The following CNTD1 variants were observed in gnomAD, a reference collection of about 807,000 sequenced individuals.
CNTD1 encodes the protein cyclin N-terminal domain containing 1.
CNTD1 carries 17 observed loss-of-function variants against 36.3 expected under a neutral mutation model. The observed-to-expected ratio is 0.47, with a 90% CI of 0.32 to 0.70. The LOEUF (loss-of-function observed/expected upper bound fraction) is 0.70, where lower values mean the gene tolerates loss of function less well. CNTD1 is among the 30% of genes least tolerant of loss of function. CNTD1 has a pLI of 0.03. For missense variants in CNTD1, 338 were observed against 386.1 expected, an observed-to-expected ratio of 0.88 and a Z score of 1.04; for synonymous variants, 128 against 153.3, an observed-to-expected ratio of 0.83 and a Z score of 1.22.
chr17:42,799,188 A>AGGG lies in CNTD1; in HGVS notation c.122_124dup (p.Arg41_Glu42insGly). The AGGG allele has an allele frequency of 1.2e-6, 2 of 1,613,972 alleles. No individual in the cohort carries two copies. Among genetic ancestry groups the AGGG allele is most frequent in the Non-Finnish European group, 8.5e-7 (1 of 1,179,966 alleles). On this transcript the variant is annotated inframe_insertion, in exon 1 of 7. Coordinates refer to ENST00000588408, the MANE Select transcript of CNTD1 (RefSeq NM_173478.3). ...GGCCCAGCAGAATGAGCAAGCAGTG[A>AGGG]GGGAGGCTTCGGGGCGGCTGGGCCG...
In CNTD1 at chr17:42,810,855, TA is replaced by T. The variant is rs765982545; in HGVS notation, c.*1323del. 1 of 1,613,728 alleles carries T rather than the reference TA, an allele frequency of 6.2e-7. No individual in the cohort carries two copies. The highest frequency in any genetic ancestry group is 8.5e-7 in the Non-Finnish European group (1 of 1,179,830). ...GCTTTTGTCCACTGCTCCTCAGAGTTAAACTGGGTTTTGATGGAATAGGAGC... is the reference window on the plus strand; with the variant it reads ...GCTTTTGTCCACTGCTCCTCAGAGTTAACTGGGTTTTGATGGAATAGGAGC... On this transcript the variant is annotated 3_prime_UTR_variant, in exon 7 of 7. Coordinates refer to ENST00000588408, the MANE Select transcript of CNTD1 (RefSeq NM_173478.3).
chr17:42,798,851 C>G (rs1249013584), upstream of CNTD1: 1 of 1,441,328 alleles, frequency 6.9e-7, no homozygotes, highest in East Asian at 2.5e-5. Flanking sequence ...GACGTGCTTT[C>G]TGATTGGCTG....
chr17:42,803,567 G>A lies in CNTD1; in HGVS notation c.170-53G>A. On this transcript the variant is annotated intron_variant, in intron 1 of 6. Coordinates refer to ENST00000588408, the MANE Select transcript of CNTD1 (RefSeq NM_173478.3). ...TTTTACACAATGCCAAGAGTTCACAGAGTGGTTTTGGTTGCATCTTGTGAA... is the reference window on the plus strand; with the variant it reads ...TTTTACACAATGCCAAGAGTTCACAAAGTGGTTTTGGTTGCATCTTGTGAA... The A allele has an allele frequency of 6.5e-6, 9 of 1,391,076 alleles. No homozygotes were observed. The African/African-American group carries it at 7.1e-5, about 11-fold the overall frequency. 86.2% of individuals were successfully genotyped at this position (1,391,076 alleles called of 1,614,324 possible).
intron 6 of CNTD1, among the ~76,000 whole-genome samples, chr17:42,808,691 G>A (rs1024671138): frequency 1.4e-5 from 2 of 145,526 alleles, no homozygotes; most frequent in East Asian, 2.1e-4. Context: ...CCATGATTGC[G>A]CCACTGTACT....
intron 1 of CNTD1, among the ~76,000 whole-genome samples, chr17:42,799,549 C>T (rs1437386353): frequency 6.6e-6 from 1 of 151,054 alleles, no homozygotes; most frequent in African/African-American, 2.4e-5. Flanking sequence ...GTCAGGAGTT[C>T]GAGACCAGCC....
Position 42,811,557 on chromosome 17 carries a change from TCCCAC to T in CNTD1, c.*2024_*2028del. 4.0e-6 allele frequency: 6 copies of T among 1,493,054 alleles called. No individual in the cohort carries two copies. Among genetic ancestry groups the T allele is most frequent in the Admixed American group, 4.3e-5 (2 of 46,210 alleles). The allele number at this position is 1,493,054 out of a possible 1,614,324, so 92.5% of individuals were successfully genotyped here. ...GTGATTCTGTGCCATTTTTTTGCTT[TCCCAC>T]CATTTATACTGTTTTGCCTCCATTA... is the stretch of plus-strand genomic sequence containing the variant. On this transcript the variant is annotated 3_prime_UTR_variant, in exon 7 of 7. Coordinates refer to ENST00000588408, the MANE Select transcript of CNTD1 (RefSeq NM_173478.3).
At position 42,804,616 on chromosome 17, in the gene CNTD1, T is replaced by C. The variant is rs186309780; in HGVS notation, c.417+220T>C. ...TGAGATCAGGAGTTCAAGACCAGCCTTGCCAACATGGTAAAACCCTGTCTC... is the reference window on the plus strand; with the variant it reads ...TGAGATCAGGAGTTCAAGACCAGCCCTGCCAACATGGTAAAACCCTGTCTC... On this transcript the variant is annotated intron_variant, in intron 3 of 6. Transcript: ENST00000588408. 1.7e-3 allele frequency among the ~76,000 whole-genome samples: 254 copies of C among 152,284 alleles called. 2 individuals are homozygous for C. Among genetic ancestry groups the C allele is most frequent in the Admixed American group, 3.7e-3 (56 of 15,294 alleles).
At chr17:42,805,036 TG>T (rs1209642451) in intron 3 of CNTD1, among the ~76,000 whole-genome samples, 9 of 151,934 alleles carry the variant, frequency 5.9e-5, no homozygotes, top group African/African-American at 2.2e-4. Flanking sequence ...TCATTCATAC[TG>T]GTCACCTTTC....
Position 42,809,648 on chromosome 17 carries a change from T to G in CNTD1, c.*113T>G. ...TTCCAAGTCTCTTTTGAACTGTATT[T>G]TGTATGCCAATTTCATGCTTATTTT... On this transcript the variant is annotated 3_prime_UTR_variant, in exon 7 of 7. Transcript: ENST00000588408. 1.1e-6 allele frequency: 1 copy of G among 917,514 alleles called. No homozygotes were observed. The highest frequency in any genetic ancestry group is 1.8e-5 in the South Asian group (1 of 55,670). 56.8% of individuals were successfully genotyped at this position (917,514 alleles called of 1,614,324 possible). A position where few individuals can be genotyped will look rare whatever the true frequency, so the allele number is the denominator to read the frequency against.
At position 42,805,984 on chromosome 17, in the gene CNTD1, T is replaced by G; in HGVS notation, c.580+100T>G. The G allele has an allele frequency of 3.4e-6, 4 of 1,182,058 alleles. No individual in the cohort carries two copies. The East Asian group carries it at 7.7e-5, about 23-fold the overall frequency. The allele number at this position is 1,182,058 out of a possible 1,614,324, so 73.2% of individuals were successfully genotyped here. ...GGCTCATGCCTGTAATCCCAGCACT[T>G]TGGGAGGCTGAGGTAGGTGGATCAC... On this transcript the variant is annotated intron_variant, in intron 4 of 6. Transcript: ENST00000588408.
rs1186450975 is a variant in CNTD1, at chr17:42,810,942, G to C, written c.*1407G>C. 6 of 1,569,950 alleles carry C rather than the reference G, an allele frequency of 3.8e-6. No homozygotes were observed. Among genetic ancestry groups the C allele is most frequent in the Non-Finnish European group, 5.2e-6 (6 of 1,158,108 alleles). ...TCCACATCCATCCTGCAGATGGACA[G>C]AGCAAAACTCATTAGTAACTGAGAT... On this transcript the variant is annotated 3_prime_UTR_variant, in exon 7 of 7. Transcript: ENST00000588408.
chr17:42,800,238 G>A (rs1229138736), intron 1 of CNTD1, among the ~76,000 whole-genome samples: 45 of 152,102 alleles, frequency 3.0e-4, no homozygotes, highest in Admixed American at 2.9e-3. Context: ...TATGGGGGTT[G>A]AGAGGAGCGA....
In CNTD1 at chr17:42,807,833, C is replaced by T. The variant is rs150403590; in HGVS notation, c.791C>T (p.Ala264Val). 3.1e-6 allele frequency: 5 copies of T among 1,614,022 alleles called. No individual in the cohort carries two copies. The African/African-American group carries it at 6.7e-5, about 22-fold the overall frequency. The stretch of plus-strand genomic sequence containing the variant: ...GCAGTAGGAATCATTGCAGCAAGTG[C>T]TTTCATCCAAAACCATGAGTGTTGG... ...LLAVGIIAAS[A>V]FIQNHECWSQ... is the part of the protein sequence containing the mutation. Residue 264 changes from alanine (A) to valine (V), a missense_variant, in exon 6 of 7, where the codon GCT becomes GTT. Coordinates refer to ENST00000588408, the MANE Select transcript of CNTD1 (RefSeq NM_173478.3).
intron 1 of CNTD1, among the ~76,000 whole-genome samples, chr17:42,799,544 G>A (rs543763670): frequency 6.6e-6 from 1 of 151,726 alleles, no homozygotes; most frequent in East Asian, 1.9e-4. Context: ...CTGAGGTCAG[G>A]AGTTCGAGAC....
At position 42,811,535 on chromosome 17, in the gene CNTD1, A is replaced by G; in HGVS notation, c.*2000A>G. ...AGTCTCTGCCCATCAATGTCATGTG[A>G]TTCTGTGCCATTTTTTTGCTTTCCC... On this transcript the variant is annotated 3_prime_UTR_variant, in exon 7 of 7. Coordinates refer to ENST00000588408, the MANE Select transcript of CNTD1 (RefSeq NM_173478.3). 7.5e-7 allele frequency: 1 copy of G among 1,337,858 alleles called. No individual in the cohort carries two copies. Among genetic ancestry groups the G allele is most frequent in the Non-Finnish European group, 1.0e-6 (1 of 972,260 alleles). The allele number at this position is 1,337,858 out of a possible 1,614,324, so 82.9% of individuals were successfully genotyped here. A position where few individuals can be genotyped will look rare whatever the true frequency, so the allele number is the denominator to read the frequency against.
At position 42,805,753 on chromosome 17, in the gene CNTD1, T is replaced by C. The variant is rs2054869144; in HGVS notation, c.449T>C (p.Leu150Pro). 2 of 1,612,732 alleles carry C rather than the reference T, an allele frequency of 1.2e-6. No individual in the cohort carries two copies. Among genetic ancestry groups the C allele is most frequent in the African/African-American group, 1.3e-5 (1 of 74,710 alleles). The change falls in exon 4 of 7, where the codon CTC (leucine) becomes CCC (proline). Residue 150 changes from leucine to proline, a missense_variant. Physicochemically the swap from Leu to Pro is moderately conservative, Grantham distance 98. Transcript: ENST00000588408. ...IISNITVLNF[L>P]QALGYLHTKE... ...AGCAACATTACAGTCTTGAATTTCC[T>C]CCAGGCTCTAGGCTATCTACACACT... is the stretch of plus-strand genomic sequence containing the variant.
Position 42,804,294 on chromosome 17 carries a change from G to C in CNTD1, c.315G>C (p.Glu105Asp). 1 of 1,614,152 alleles carries C rather than the reference G, an allele frequency of 6.2e-7. No individual in the cohort carries two copies. Among genetic ancestry groups the C allele is most frequent in the African/African-American group, 1.3e-5 (1 of 75,034 alleles). ...ATIQPRDNKR[E>D]SQNWRALKQQ... ...TCCAGCCAAGAGATAATAAGAGAGA[G>C]TCTCAGAATTGGAGGGCTCTGAAAC... Residue 105 changes from glutamate (E) to aspartate (D), a missense_variant, in exon 3 of 7, where the codon GAG becomes GAC. Glu to Asp is a conservative substitution (Grantham distance 45). Transcript: ENST00000588408.
At chr17:42,801,522 T>A (rs1417780959) in intron 1 of CNTD1, among the ~76,000 whole-genome samples, 6,075 of 71,724 alleles carry the variant, frequency 0.085, 832 homozygotes, top group African/African-American at 0.31. Context: ...TATATATATA[T>A]ATATATATAT....
At chr17:42,799,345 A>G in intron 1 of CNTD1, 109 bp downstream of exon 1, 1 of 1,252,574 alleles carries the variant, frequency 8.0e-7, no homozygotes, top group Non-Finnish European at 1.1e-6. Flanking sequence ...AATGTTTGCT[A>G]ACACCTCTCT....
Sources: gnomAD v4.1 joint callset for allele counts (sites outside exome capture counted in the v4.1 genomes callset) on GRCh38, gnomAD v4.1.1 for gene constraint, MANE v1.5 for transcripts, NCBI Gene and HGNC (gene_info 2026-07-23, HGNC 2026-07-21) for gene names.